The following ESR1 variants were observed in gnomAD, a reference collection of about 807,000 sequenced individuals.
ESR1 encodes the protein estrogen receptor.
ESR1 carries 12 observed loss-of-function variants against 52.7 expected under a neutral mutation model. That is an observed-to-expected ratio of 0.23 (90% CI 0.15 to 0.37). The LOEUF is 0.37. Ranked by LOEUF, ESR1 falls within the 10% of genes least tolerant of loss-of-function variation. The pLI is 1.00. For missense variants in ESR1, 584 were observed against 779.7 expected (o/e 0.75, Z 2.99); for synonymous variants, 305 against 316.8 (o/e 0.96, Z 0.39).
chr6:151,953,189 C>G (rs1344172643), intron 4 of ESR1, among the ~76,000 whole-genome samples: 1 of 152,134 alleles, frequency 6.6e-6, no homozygotes, highest in African/African-American at 2.4e-5. Context: ...GCATCCAGAT[C>G]CCTGGAAGCT....
chr6:152,066,654 A>G (rs957240685), intron 6 of ESR1, among the ~76,000 whole-genome samples: 3 of 152,198 alleles, frequency 2.0e-5, no homozygotes, highest in African/African-American at 7.2e-5. Flanking sequence ...GGCTGACTGT[A>G]TTCTGTAGGC....
At chr6:151,916,236 A>G (rs1311446792) in intron 3 of ESR1, among the ~76,000 whole-genome samples, 1 of 152,208 alleles carries the variant, frequency 6.6e-6, no homozygotes, top group Non-Finnish European at 1.5e-5. Context: ...ATGCTGAAAT[A>G]TAGTCAGAGA....
At chr6:151,996,141 T>C (rs1333570981) in intron 4 of ESR1, among the ~76,000 whole-genome samples, 2 of 152,190 alleles carry the variant, frequency 1.3e-5, no homozygotes, top group African/African-American at 4.8e-5. Flanking sequence ...ATTTTTTCCC[T>C]GATAGTCTGT....
At chr6:151,786,554 T>C (rs561935808) in intron 2 of ESR1, among the ~76,000 whole-genome samples, 225 of 152,326 alleles carry the variant, frequency 1.5e-3, no homozygotes, top group African/African-American at 5.1e-3. Flanking sequence ...AACGTTTATA[T>C]ACACAAATGT....
chr6:151,735,019 T>G (rs559009693), intron 2 of ESR1, among the ~76,000 whole-genome samples: 13 of 152,346 alleles, frequency 8.5e-5, no homozygotes, highest in African/African-American at 2.6e-4. Flanking sequence ...TCATTTTGAT[T>G]TTATTAAAAT....
chr6:151,996,860 G>A (rs2041532444), intron 4 of ESR1, among the ~76,000 whole-genome samples: 1 of 152,098 alleles, frequency 6.6e-6, no homozygotes, highest in Non-Finnish European at 1.5e-5. Flanking sequence ...CACGCTTGGA[G>A]TAAAGTACAG....
intron 5 of ESR1, among the ~76,000 whole-genome samples, chr6:152,039,516 G>A (rs1211240044): frequency 3.9e-5 from 6 of 152,012 alleles, no homozygotes; most frequent in Non-Finnish European, 8.8e-5. Context: ...GTCTCCTGGT[G>A]GCAACATTCA....
chr6:151,820,897 T>C (rs1562441471), intron 1 of ESR1, among the ~76,000 whole-genome samples: 1 of 152,176 alleles, frequency 6.6e-6, no homozygotes, highest in Non-Finnish European at 1.5e-5. Context: ...TTTCTTTGCA[T>C]GTGAAACCCA....
At chr6:151,713,521 T>C (rs1780785260) in intron 2 of ESR1, among the ~76,000 whole-genome samples, 1 of 152,190 alleles carries the variant, frequency 6.6e-6, no homozygotes. Flanking sequence ...TCAGAACTTG[T>C]TATTGGTCTG....
intron 6 of ESR1, among the ~76,000 whole-genome samples, chr6:152,075,610 A>G (rs1301238248): frequency 6.6e-6 from 1 of 152,202 alleles, no homozygotes; most frequent in Non-Finnish European, 1.5e-5. Flanking sequence ...ATTCTCAGCC[A>G]CTTCAATTCT....
intron 5 of ESR1, among the ~76,000 whole-genome samples, chr6:152,054,969 A>G (rs752249647): frequency 9.9e-5 from 15 of 152,184 alleles, no homozygotes; most frequent in Admixed American, 5.2e-4. Context: ...AATGTCTAAC[A>G]TAATATCCTC....
chr6:151,676,545 C>CT (rs780178688), intron 1 of ESR1, among the ~76,000 whole-genome samples: 49 of 152,318 alleles, frequency 3.2e-4, no homozygotes, highest in Non-Finnish European at 6.2e-4. Context: ...CTCCTGTTTA[C>CT]TTAATGGTCG....
In ESR1 at chr6:151,894,812, A is replaced by C. The variant is rs558421982; in HGVS notation, c.760+14041A>C. 5.4e-4 allele frequency among the ~76,000 whole-genome samples: 82 copies of C among 152,084 alleles called. 2 individuals carry two copies. Among genetic ancestry groups the C allele is most frequent in the Admixed American group, 5.1e-3 (78 of 15,272 alleles). On this transcript the variant is annotated intron_variant, in intron 3 of 7. Transcript: ENST00000206249. ...TGGCCTTATAGTATAGTTTGAAATC[A>C]GGTAATGTGATGCCTCCAGATTTGT...
At chr6:152,111,849 G>C (rs543736229) in intron 6 of ESR1, among the ~76,000 whole-genome samples, 3 of 152,178 alleles carry the variant, frequency 2.0e-5, no homozygotes, top group Non-Finnish European at 2.9e-5. Flanking sequence ...CCTTCCAATT[G>C]GAGGGAAGGG....
chr6:151,744,260 T>C (rs1783319877), intron 2 of ESR1, among the ~76,000 whole-genome samples: 1 of 152,200 alleles, frequency 6.6e-6, no homozygotes, highest in Non-Finnish European at 1.5e-5. Flanking sequence ...TCCTGGGACA[T>C]GTGCTAACTG....
At chr6:151,901,829 G>T (rs75983297) in intron 3 of ESR1, among the ~76,000 whole-genome samples, 6 of 152,146 alleles carry the variant, frequency 3.9e-5, no homozygotes, top group Non-Finnish European at 7.3e-5. Flanking sequence ...TTCCTTCACA[G>T]GGTCTGTGGA....
intron 2 of ESR1, among the ~76,000 whole-genome samples, chr6:151,779,154 T>C (rs1232646157): frequency 6.6e-6 from 1 of 152,246 alleles, no homozygotes; most frequent in Non-Finnish European, 1.5e-5. Context: ...GTTTTAGTCA[T>C]GAAGTCTTTG....
At chr6:151,723,483 C>T (rs1781607104) in intron 2 of ESR1, among the ~76,000 whole-genome samples, 1 of 152,188 alleles carries the variant, frequency 6.6e-6, no homozygotes, top group Non-Finnish European at 1.5e-5. Context: ...ACATTTACCC[C>T]TCTTTACTAA....
At chr6:152,027,928 G>C (rs957339674) in intron 5 of ESR1, among the ~76,000 whole-genome samples, 3 of 152,030 alleles carry the variant, frequency 2.0e-5, no homozygotes, top group Non-Finnish European at 4.4e-5. Flanking sequence ...TAGATCATAA[G>C]GTTAGCAGAT....
Sources: gnomAD v4.1 joint callset for allele counts (sites outside exome capture counted in the v4.1 genomes callset) on GRCh38, gnomAD v4.1.1 for gene constraint, MANE v1.5 for transcripts, NCBI Gene and HGNC (gene_info 2026-07-23, HGNC 2026-07-21) for gene names.